Variants in HCN1 observed in about 807,000 individuals in gnomAD.
HCN1 encodes potassium/sodium hyperpolarization-activated cyclic nucleotide-gated channel 1.
In HCN1, 13 loss-of-function variants were observed where a neutral mutation model predicts 78.9. The observed-to-expected ratio is 0.16, with a 90% CI of 0.11 to 0.26. The LOEUF is 0.26. Among genes scored for constraint, HCN1 ranks in the 10% least tolerant of loss-of-function variants. HCN1 has a pLI of 1.00. For missense variants in HCN1, 810 were observed against 1,154.3 expected (o/e 0.70, Z 4.32); for synonymous variants, 552 against 455.5 (o/e 1.21, Z -2.70).
At position 45,348,916 on chromosome 5, in the gene HCN1, T is replaced by C. The variant is rs1437031174; in HGVS notation, c.1377+4184A>G. On this transcript the variant is annotated intron_variant, in intron 5 of 7. Transcript: ENST00000303230. ...CAAAGAGACTTAGACTCCCACACAA[T>C]AATAAAGGGAAACTTTAACACCCCA... Among the ~76,000 whole-genome samples, 7 of 152,140 alleles carry C rather than the reference T, an allele frequency of 4.6e-5. No individual in the cohort carries two copies. In the South Asian group the frequency reaches 1.2e-3, roughly 27 times the overall value.
intron 6 of HCN1, among the ~76,000 whole-genome samples, chr5:45,290,990 G>A (rs1745361678): frequency 6.6e-6 from 1 of 151,966 alleles, no homozygotes; most frequent in Admixed American, 6.6e-5. Flanking sequence ...TACTCATTGT[G>A]TCCATCAGAA....
At chr5:45,347,796 G>A (rs981080325) in intron 5 of HCN1, among the ~76,000 whole-genome samples, 4 of 152,104 alleles carry the variant, frequency 2.6e-5, no homozygotes, top group African/African-American at 9.7e-5. Flanking sequence ...GAAATGAAGT[G>A]AGAAGGGAAG....
intron 2 of HCN1, among the ~76,000 whole-genome samples, chr5:45,579,437 C>T (rs1222931106): frequency 6.6e-6 from 1 of 152,020 alleles, no homozygotes; most frequent in African/African-American, 2.4e-5. Flanking sequence ...AGTAAATGAA[C>T]CTCTTCTCCT....
chr5:45,616,633 A>G (rs1284034802), intron 2 of HCN1, among the ~76,000 whole-genome samples: 2 of 151,956 alleles, frequency 1.3e-5, no homozygotes, highest in African/African-American at 4.8e-5. Flanking sequence ...CATTGATAAA[A>G]CCATAATCTT....
chr5:45,526,994 A>C (rs1742749512), intron 2 of HCN1, among the ~76,000 whole-genome samples: 1 of 138,954 alleles, frequency 7.2e-6, no homozygotes, highest in African/African-American at 2.7e-5. Context: ...GTCTATCAGA[A>C]ATCTTTCCTT....
chr5:45,594,126 A>C (rs1744439924), intron 2 of HCN1, among the ~76,000 whole-genome samples: 1 of 152,184 alleles, frequency 6.6e-6, no homozygotes, highest in South Asian at 2.1e-4. Context: ...TAGCGGAATG[A>C]AAGTTTCATG....
intron 2 of HCN1, among the ~76,000 whole-genome samples, chr5:45,605,785 ACT>A (rs918452212): frequency 1.3e-5 from 2 of 151,934 alleles, no homozygotes; most frequent in African/African-American, 4.8e-5. Flanking sequence ...TAGATGTATC[ACT>A]CTGGTAATAT....
chr5:45,380,156 C>A (rs1210087377), intron 4 of HCN1, among the ~76,000 whole-genome samples: 1 of 152,018 alleles, frequency 6.6e-6, no homozygotes, highest in Admixed American at 6.6e-5. Flanking sequence ...ATCAAGACAT[C>A]AGCAGATTCA....
chr5:45,473,327 G>C (rs1051890453), intron 2 of HCN1, among the ~76,000 whole-genome samples: 1 of 151,784 alleles, frequency 6.6e-6, no homozygotes, highest in African/African-American at 2.4e-5. Context: ...CGTATTTCTA[G>C]ATAGCATGCA....
At chr5:45,566,587 G>C (rs556663268) in intron 2 of HCN1, among the ~76,000 whole-genome samples, 1 of 152,050 alleles carries the variant, frequency 6.6e-6, no homozygotes, top group Admixed American at 6.5e-5. Context: ...ACAAAGCAAT[G>C]ATCACAAATG....
At chr5:45,266,721 T>C (rs1225913813) in intron 7 of HCN1, among the ~76,000 whole-genome samples, 1 of 151,836 alleles carries the variant, frequency 6.6e-6, no homozygotes, top group Admixed American at 6.6e-5. Flanking sequence ...TTTTTTTTTT[T>C]TCTCTGAGAC....
intron 3 of HCN1, among the ~76,000 whole-genome samples, chr5:45,438,919 A>G (rs1388025120): frequency 6.6e-6 from 1 of 152,166 alleles, no homozygotes; most frequent in Non-Finnish European, 1.5e-5. Context: ...TAGAAAGAGT[A>G]TGGATTTAAA....
intron 1 of HCN1, among the ~76,000 whole-genome samples, chr5:45,693,817 C>T (rs1366426078): frequency 2.0e-5 from 3 of 151,530 alleles, no homozygotes; most frequent in Non-Finnish European, 4.4e-5. Context: ...AAAATAAAAG[C>T]ATCATATGTA....
chr5:45,443,850 TA>T (rs1740731322), intron 3 of HCN1, among the ~76,000 whole-genome samples: 1 of 152,040 alleles, frequency 6.6e-6, no homozygotes, highest in South Asian at 2.1e-4. Context: ...TAAAGACAAA[TA>T]GAATCAATAT....
intron 2 of HCN1, among the ~76,000 whole-genome samples, chr5:45,609,316 T>G (rs1744787733): frequency 6.6e-6 from 1 of 152,102 alleles, no homozygotes; most frequent in Non-Finnish European, 1.5e-5. Flanking sequence ...GTAATATAAA[T>G]GCCCATCAAC....
chr5:45,392,948 T>C (rs1056410946), intron 4 of HCN1, among the ~76,000 whole-genome samples: 2 of 152,142 alleles, frequency 1.3e-5, no homozygotes, highest in African/African-American at 4.8e-5. Context: ...TATTTGAATC[T>C]AGGTATAGAA....
At chr5:45,466,121 T>C (rs1242575840) in intron 2 of HCN1, among the ~76,000 whole-genome samples, 1 of 152,208 alleles carries the variant, frequency 6.6e-6, no homozygotes, top group Non-Finnish European at 1.5e-5. Context: ...GTTTATTTCA[T>C]CTTGTTTTTA....
intron 2 of HCN1, among the ~76,000 whole-genome samples, chr5:45,469,959 C>T (rs551458023): frequency 1.3e-5 from 2 of 152,132 alleles, no homozygotes; most frequent in Admixed American, 1.3e-4. Flanking sequence ...ATCCCAGCCT[C>T]CTGTCACCAT....
intron 2 of HCN1, among the ~76,000 whole-genome samples, chr5:45,527,975 G>T (rs1742773305): frequency 6.6e-6 from 1 of 150,512 alleles, no homozygotes; most frequent in Admixed American, 6.6e-5. Flanking sequence ...TAGTCCTAGG[G>T]GAAAAATAAA....
Sources: gnomAD v4.1 joint callset for allele counts (sites outside exome capture counted in the v4.1 genomes callset) on GRCh38, gnomAD v4.1.1 for gene constraint, MANE v1.5 for transcripts, NCBI Gene and HGNC (gene_info 2026-07-23, HGNC 2026-07-21) for gene names.